The following RIN2 variants were observed in gnomAD, a reference collection of about 807,000 sequenced individuals.
The protein encoded by RIN2 is RAB5 interacting protein 2.
Under a neutral mutation model 78.0 loss-of-function variants are expected in RIN2, and 36 were observed. The observed-to-expected ratio is 0.46, with a 90% CI of 0.35 to 0.61. The LOEUF is 0.61. Ranked by LOEUF, RIN2 falls within the 20% of genes least tolerant of loss-of-function variation. The pLI, the probability that RIN2 is intolerant of heterozygous loss-of-function variation, is 0.00. For synonymous variants in RIN2, 466 were observed against 466.8 expected (o/e 1.00, Z 0.02); for missense variants, 1,087 against 1,159.7 (o/e 0.94, Z 0.91).
At chr20:19,901,443 T>C (rs567372931) in intron 3 of RIN2, among the ~76,000 whole-genome samples, 1 of 152,084 alleles carries the variant, frequency 6.6e-6, no homozygotes, top group Admixed American at 6.6e-5. Flanking sequence ...CCACCCAGCG[T>C]CGAACACCCG....
At chr20:19,867,144 T>G (rs537037411) in intron 2 of RIN2, among the ~76,000 whole-genome samples, 1 of 152,156 alleles carries the variant, frequency 6.6e-6, no homozygotes, top group African/African-American at 2.4e-5. Flanking sequence ...TTTACCATAT[T>G]TGTTTTATTT....
intron 2 of RIN2, among the ~76,000 whole-genome samples, chr20:19,827,431 T>G (rs1453936795): frequency 6.6e-6 from 1 of 152,192 alleles, no homozygotes; most frequent in Admixed American, 6.5e-5. Context: ...AGCAATCATC[T>G]CTCAAATGGC....
At chr20:19,914,789 G>A (rs2039617727) in intron 3 of RIN2, among the ~76,000 whole-genome samples, 1 of 152,178 alleles carries the variant, frequency 6.6e-6, no homozygotes, top group Non-Finnish European at 1.5e-5. Context: ...CCTAGGTCAT[G>A]CGTGTGCACA....
intron 2 of RIN2, among the ~76,000 whole-genome samples, chr20:19,834,976 A>G (rs527454186): frequency 5.8e-4 from 87 of 151,076 alleles, no homozygotes; most frequent in African/African-American, 1.8e-3. Flanking sequence ...AGAAAGAAAG[A>G]AAGGAAGGAA....
At chr20:19,866,126 A>G (rs936399443) in intron 2 of RIN2, among the ~76,000 whole-genome samples, 1 of 151,956 alleles carries the variant, frequency 6.6e-6, no homozygotes, top group Non-Finnish European at 1.5e-5. Context: ...TCTGGGGGTG[A>G]TGGGAGACAG....
chr20:19,953,521 C>A (rs1056158406), intron 4 of RIN2, among the ~76,000 whole-genome samples: 2 of 152,106 alleles, frequency 1.3e-5, no homozygotes, highest in African/African-American at 4.8e-5. Flanking sequence ...CTCACTGCAA[C>A]CTCCGCCTCC....
At chr20:19,984,090 G>T (rs1200566677) in intron 9 of RIN2, among the ~76,000 whole-genome samples, 2 of 144,414 alleles carry the variant, frequency 1.4e-5, no homozygotes, top group Non-Finnish European at 1.5e-5. Flanking sequence ...GCAAACTATC[G>T]CAAGGACCAG....
At chr20:19,849,623 G>A (rs1164623028) in intron 2 of RIN2, among the ~76,000 whole-genome samples, 2 of 152,092 alleles carry the variant, frequency 1.3e-5, no homozygotes, top group Non-Finnish European at 2.9e-5. Context: ...CTGGCACCAC[G>A]GACTGTTTTT....
chr20:19,839,456 A>G (rs1455545676), intron 2 of RIN2, among the ~76,000 whole-genome samples: 2 of 152,230 alleles, frequency 1.3e-5, no homozygotes, highest in Non-Finnish European at 2.9e-5. Flanking sequence ...ATGAGGTTCC[A>G]TAACCCAGCC....
intron 9 of RIN2, among the ~76,000 whole-genome samples, chr20:19,983,728 T>C (rs533433449): frequency 6.6e-6 from 1 of 152,266 alleles, no homozygotes; most frequent in South Asian, 2.1e-4. Flanking sequence ...CTAACATGCA[T>C]ATGTTGCGTA....
chr20:19,819,540 A>G (rs544158879), intron 2 of RIN2, among the ~76,000 whole-genome samples: 2 of 152,348 alleles, frequency 1.3e-5, no homozygotes, highest in East Asian at 3.9e-4. Flanking sequence ...AAAATATTTA[A>G]CAATTGAAAT....
At chr20:19,953,915 T>C (rs1458261820) in intron 4 of RIN2, among the ~76,000 whole-genome samples, 1 of 152,268 alleles carries the variant, frequency 6.6e-6, no homozygotes, top group African/African-American at 2.4e-5. Context: ...GAAACTATTC[T>C]TTTTGGCACA....
At chr20:19,851,242 T>A (rs999909660) in intron 2 of RIN2, among the ~76,000 whole-genome samples, 1 of 152,002 alleles carries the variant, frequency 6.6e-6, no homozygotes, top group African/African-American at 2.4e-5. Context: ...GAGATGATGC[T>A]GGGGAAGGGA....
At chr20:19,818,748 G>A (rs1183483682) in intron 2 of RIN2, among the ~76,000 whole-genome samples, 28 of 115,380 alleles carry the variant, frequency 2.4e-4, no homozygotes, top group South Asian at 6.0e-4. Flanking sequence ...AAAAAAGAAA[G>A]AAAGAGAAAA....
chr20:19,818,372 A>AC (rs2122873221), intron 2 of RIN2, among the ~76,000 whole-genome samples: 1 of 152,378 alleles, frequency 6.6e-6, no homozygotes, highest in Non-Finnish European at 1.5e-5. Flanking sequence ...ATGGTTGGCA[A>AC]GAGTGTGAAG....
intron 8 of RIN2, among the ~76,000 whole-genome samples, chr20:19,972,788 A>G (rs188096589): frequency 1.3e-5 from 2 of 152,344 alleles, no homozygotes; most frequent in African/African-American, 4.8e-5. Flanking sequence ...GGAGGACTCA[A>G]AGGAGGTGGA....
At chr20:19,794,144 A>T (rs953859136) in intron 1 of RIN2, among the ~76,000 whole-genome samples, 8 of 152,218 alleles carry the variant, frequency 5.3e-5, no homozygotes, top group Non-Finnish European at 1.0e-4. Context: ...TAATGCATCT[A>T]TAGTCAACAT....
chr20:19,894,862 C>T (rs1418681686), intron 3 of RIN2, among the ~76,000 whole-genome samples: 4 of 152,260 alleles, frequency 2.6e-5, no homozygotes, highest in Non-Finnish European at 5.9e-5. Flanking sequence ...ATCCATGTCA[C>T]CTGCTTGAAG....
chr20:19,917,202 C>T (rs1243348501), intron 3 of RIN2, among the ~76,000 whole-genome samples: 3 of 151,796 alleles, frequency 2.0e-5, no homozygotes, highest in African/African-American at 7.3e-5. Context: ...GAGTGAGGAA[C>T]ATAATTAAAT....
Sources: gnomAD v4.1 joint callset for allele counts (sites outside exome capture counted in the v4.1 genomes callset) on GRCh38, gnomAD v4.1.1 for gene constraint, MANE v1.5 for transcripts, NCBI Gene and HGNC (gene_info 2026-07-23, HGNC 2026-07-21) for gene names.